TARBP1: variants seen among roughly 807,000 people sequenced by gnomAD.
TARBP1 encodes the protein tRNA guanosine 2 -O-methyltransferase TARBP1.
TARBP1 carries 144 observed loss-of-function variants against 178.6 expected under a neutral mutation model. That is an observed-to-expected ratio of 0.81 (90% CI 0.70 to 0.93). The LOEUF is 0.93. TARBP1 is among the 40% of genes least tolerant of loss of function. TARBP1 has a pLI of 0.00. For missense variants in TARBP1, 2,067 were observed against 2,011.7 expected, an observed-to-expected ratio of 1.03 and a Z score of -0.53; for synonymous variants, 787 against 781.0, an observed-to-expected ratio of 1.01 and a Z score of -0.13.
At chr1:234,414,569 A>G (rs1193477863) in intron 22 of TARBP1, among the ~76,000 whole-genome samples, 1 of 152,166 alleles carries the variant, frequency 6.6e-6, no homozygotes, top group Non-Finnish European at 1.5e-5. Context: ...CTGACAGAAG[A>G]AGACAAAGGC....
intron 23 of TARBP1, chr1:234,407,341 C>CTTTTTTTTTTTTTTTTTTTTTTTTTT (rs543930869): frequency 5.1e-5 from 7 of 137,060 alleles, no homozygotes; most frequent in African/African-American, 1.4e-4. Flanking sequence ...CTTGTCCATC[C>CTTTTTTTTTTTTTTTTTTTTTTTTTT]TTTTTTTTTT....
At chr1:234,428,184 A>G (rs937414294) in intron 17 of TARBP1, among the ~76,000 whole-genome samples, 3 of 152,210 alleles carry the variant, frequency 2.0e-5, no homozygotes, top group Non-Finnish European at 2.9e-5. Context: ...CTGCAGAGAA[A>G]TAACGGAATC....
At chr1:234,416,245 G>A (rs1173963568) in intron 22 of TARBP1, among the ~76,000 whole-genome samples, 1 of 152,154 alleles carries the variant, frequency 6.6e-6, no homozygotes, top group Admixed American at 6.5e-5. Flanking sequence ...AACAGAATCT[G>A]TTTCTTCATT....
At position 234,448,523 on chromosome 1, in the gene TARBP1, C is replaced by T. The variant is rs1479952320; in HGVS notation, c.1918G>A (p.Val640Ile). The change falls in exon 11 of 30, where the codon GTC becomes ATC. Residue 640 changes from valine (V) to isoleucine (I), a missense_variant. Val to Ile is a conservative substitution (Grantham distance 29). Transcript: ENST00000040877. ...WFEAKLVSLM[V>I]LLAVDVEGMK... ...CCTTCCACATCCACAGCCAGCAAGA[C>T]CATCAGAGAAACAAGCTTGGCTTCA... 4 of 1,613,864 alleles carry T rather than the reference C, an allele frequency of 2.5e-6. No homozygotes were observed. Among genetic ancestry groups the T allele is most frequent in the Non-Finnish European group, 3.4e-6 (4 of 1,180,004 alleles).
chr1:234,469,136 T>C (rs1378088667), intron 3 of TARBP1, among the ~76,000 whole-genome samples: 1 of 141,006 alleles, frequency 7.1e-6, no homozygotes, highest in Non-Finnish European at 1.5e-5. Flanking sequence ...TAGCATGTAC[T>C]GGACACTAAG....
chr1:234,442,895 A>G (rs915488212), intron 12 of TARBP1, among the ~76,000 whole-genome samples: 4 of 152,156 alleles, frequency 2.6e-5, no homozygotes, highest in Admixed American at 6.6e-5. Context: ...AACAGCCTCT[A>G]TCTCACCCTC....
At chr1:234,437,169 G>C in intron 13 of TARBP1, 106 bp downstream of exon 13, 1 of 593,630 alleles carries the variant, frequency 1.7e-6, no homozygotes, top group Non-Finnish European at 2.7e-6. Context: ...CGCTTCTTGA[G>C]AAAATTAATT....
At chr1:234,421,176 C>G (rs1051623094) in intron 20 of TARBP1, among the ~76,000 whole-genome samples, 2 of 152,170 alleles carry the variant, frequency 1.3e-5, no homozygotes, top group African/African-American at 4.8e-5. Context: ...GCAACCTCCG[C>G]CTCCCGGGTT....
In TARBP1 at chr1:234,432,703, G is replaced by A. The variant is rs544777363; in HGVS notation, c.2394+707C>T. ...ACTGAATGACAGCCTCCATGAGGAA[G>A]ATAGGACACATGCTTGTGATTTGTA... On this transcript the variant is annotated intron_variant, in intron 14 of 29. Transcript: ENST00000040877. Among the ~76,000 whole-genome samples the A allele has an allele frequency of 7.5e-4, 114 of 151,982 alleles. 1 individual carries two copies. The highest frequency in any genetic ancestry group is 2.6e-3 in the African/African-American group (109 of 41,420).
rs759435540 is a variant in TARBP1 at position 234,401,162 on chromosome 1, A to C, written c.4071+19T>G. ...TTAAAGATACAATAGAGAATTTACA[A>C]ATGATATTCTCTACTCACCTCTAGA... On this transcript the variant is annotated intron_variant, in intron 25 of 29. Coordinates refer to ENST00000040877, the MANE Select transcript of TARBP1 (RefSeq NM_005646.4). The C allele has an allele frequency of 6.3e-7, 1 of 1,586,930 alleles. No homozygotes were observed. Among genetic ancestry groups the C allele is most frequent in the Non-Finnish European group, 8.6e-7 (1 of 1,157,182 alleles).
chr1:234,393,244 A>G, intron 28 of TARBP1, 118 bp downstream of exon 28: 1 of 1,088,326 alleles, frequency 9.2e-7, no homozygotes, highest in South Asian at 3.4e-5. Context: ...ACACAAAGAT[A>G]GAGCACTATA....
chr1:234,426,234 C>T (rs1663753289), intron 19 of TARBP1, among the ~76,000 whole-genome samples: 1 of 152,188 alleles, frequency 6.6e-6, no homozygotes, highest in South Asian at 2.1e-4. Flanking sequence ...GAGGGGCAAA[C>T]TCAGGAAGCA....
At chr1:234,448,936 T>C (rs2103216131) in intron 10 of TARBP1, among the ~76,000 whole-genome samples, 1 of 152,190 alleles carries the variant, frequency 6.6e-6, no homozygotes, top group South Asian at 2.1e-4. Context: ...ATGGTGCTAG[T>C]GGAGTCTACA....
intron 9 of TARBP1, 90 bp from the exon 10 acceptor site, chr1:234,450,656 G>C: frequency 7.3e-7 from 1 of 1,369,972 alleles, no homozygotes; most frequent in Non-Finnish European, 9.9e-7. Flanking sequence ...TTTCTTTCAC[G>C]ATAAACCAAA....
intron 1 of TARBP1, among the ~76,000 whole-genome samples, chr1:234,476,745 A>G (rs1326943964): frequency 1.3e-5 from 2 of 152,230 alleles, no homozygotes; most frequent in Non-Finnish European, 2.9e-5. Flanking sequence ...GTGACAATAT[A>G]TTTTATGATA....
chr1:234,402,351 AC>A (rs1030907728), intron 24 of TARBP1, among the ~76,000 whole-genome samples: 5 of 152,096 alleles, frequency 3.3e-5, no homozygotes, highest in East Asian at 1.9e-4. Context: ...TTTTGACAGC[AC>A]CCCCACCACT....
At chr1:234,423,748 A>ATT (rs1228790622) in intron 20 of TARBP1, among the ~76,000 whole-genome samples, 128 of 130,950 alleles carry the variant, frequency 9.8e-4, no homozygotes, top group Middle Eastern at 3.8e-3. Flanking sequence ...TTTTTTCTGA[A>ATT]TTTTTTTTTT....
At chr1:234,463,379 C>A (rs537675655) in intron 6 of TARBP1, among the ~76,000 whole-genome samples, 6 of 152,324 alleles carry the variant, frequency 3.9e-5, no homozygotes, top group Middle Eastern at 3.4e-3. Context: ...CTGCCTCGGC[C>A]TCCCAAAGTG....
chr1:234,460,260 C>G lies in TARBP1; in HGVS notation c.1535+1G>C, dbSNP rs1181846478. On this transcript the variant is annotated splice_donor_variant, in intron 7 of 29. Coordinates refer to ENST00000040877, the MANE Select transcript of TARBP1 (RefSeq NM_005646.4). LOFTEE classifies it high-confidence loss of function. ...ACAAGTACATATACAGAGTAAATTA[C>G]CTGAGAGCAAGAAGCCCATCTATAC... 1.2e-6 allele frequency: 2 copies of G among 1,612,368 alleles called. No homozygotes were observed. The highest frequency in any genetic ancestry group is 4.5e-5 in the East Asian group (2 of 44,858).
Sources: allele counts gnomAD v4.1 joint callset (sites outside exome capture counted in the v4.1 genomes callset), GRCh38; gene constraint gnomAD v4.1.1; transcripts MANE v1.5; gene names NCBI Gene and HGNC (gene_info 2026-07-23, HGNC 2026-07-21).